The following TRPM3 variants were observed in gnomAD, a reference collection of about 807,000 sequenced individuals.
The protein encoded by TRPM3 is transient receptor potential cation channel subfamily M member 3, also known as long transient receptor potential channel 3.
In TRPM3, 77 loss-of-function variants were observed where a neutral mutation model predicts 181.2. The observed-to-expected ratio is 0.42, with a 90% CI of 0.35 to 0.51. The LOEUF (loss-of-function observed/expected upper bound fraction) is 0.51. TRPM3 is among the 20% of genes least tolerant of loss of function. TRPM3 has a pLI of 0.01. For synonymous variants in TRPM3, 745 were observed against 796.4 expected (o/e 0.94, Z 1.09); for missense variants, 1,759 against 2,196.7 (o/e 0.80, Z 3.98).
chr9:71,441,449 A>G (rs1377680719), intron 1 of TRPM3, among the ~76,000 whole-genome samples: 1 of 152,214 alleles, frequency 6.6e-6, no homozygotes, highest in Non-Finnish European at 1.5e-5. Context: ...AGAACAAACT[A>G]CTAAAGGTTT....
At chr9:71,143,998 T>C (rs1315573087) in intron 1 of TRPM3, among the ~76,000 whole-genome samples, 1 of 152,158 alleles carries the variant, frequency 6.6e-6, no homozygotes, top group African/African-American at 2.4e-5. Flanking sequence ...CCATTCACTA[T>C]AAATTTAGTT....
chr9:71,014,981 T>C (rs533306641), intron 1 of TRPM3, among the ~76,000 whole-genome samples: 16 of 152,266 alleles, frequency 1.1e-4, no homozygotes, highest in Non-Finnish European at 1.3e-4. Flanking sequence ...GAAAGTTTCC[T>C]TTTTTTCAGT....
At chr9:71,055,943 C>G (rs2060606553) in intron 1 of TRPM3, among the ~76,000 whole-genome samples, 1 of 151,922 alleles carries the variant, frequency 6.6e-6, no homozygotes, top group African/African-American at 2.4e-5. Flanking sequence ...AACCTAATAG[C>G]TTTACCTACC....
intron 6 of TRPM3, among the ~76,000 whole-genome samples, chr9:70,794,835 G>A (rs918236115): frequency 6.6e-6 from 1 of 152,110 alleles, no homozygotes; most frequent in Non-Finnish European, 1.5e-5. Flanking sequence ...CATCCTAGAA[G>A]GGCAGAAATG....
chr9:70,633,503 A>G (rs1158356988), intron 12 of TRPM3, among the ~76,000 whole-genome samples: 1 of 152,178 alleles, frequency 6.6e-6, no homozygotes, highest in African/African-American at 2.4e-5. Flanking sequence ...CTTGTTTTGA[A>G]AAAACTACAG....
intron 1 of TRPM3, among the ~76,000 whole-genome samples, chr9:71,108,486 C>G (rs938650253): frequency 6.6e-6 from 1 of 152,054 alleles, no homozygotes; most frequent in Non-Finnish European, 1.5e-5. Flanking sequence ...CTGACCAGAG[C>G]TAAATAAACA....
At chr9:70,786,909 C>G (rs931068831) in intron 6 of TRPM3, among the ~76,000 whole-genome samples, 1 of 152,126 alleles carries the variant, frequency 6.6e-6, no homozygotes, top group Non-Finnish European at 1.5e-5. Context: ...TACTCCAACT[C>G]ACAGACCAAG....
chr9:70,940,070 T>A (rs1438868503), intron 1 of TRPM3, among the ~76,000 whole-genome samples: 1 of 152,202 alleles, frequency 6.6e-6, no homozygotes, highest in African/African-American at 2.4e-5. Flanking sequence ...TTCCTGCAGG[T>A]GCTGGAGCCC....
chr9:70,757,403 G>C (rs529672128), intron 8 of TRPM3, among the ~76,000 whole-genome samples: 40 of 152,190 alleles, frequency 2.6e-4, no homozygotes, highest in African/African-American at 8.9e-4. Flanking sequence ...TCTACCAGAG[G>C]TACAAAGAGG....
intron 1 of TRPM3, among the ~76,000 whole-genome samples, chr9:71,111,276 T>C (rs1025929539): frequency 2.0e-5 from 3 of 152,168 alleles, no homozygotes; most frequent in Non-Finnish European, 4.4e-5. Context: ...GTGTCTAAAG[T>C]TAAAGCATTC....
intron 22 of TRPM3, among the ~76,000 whole-genome samples, chr9:70,573,783 C>T (rs1487497950): frequency 6.6e-6 from 1 of 152,110 alleles, no homozygotes; most frequent in Non-Finnish European, 1.5e-5. Flanking sequence ...GGTCTAATCA[C>T]TTCATCTCAC....
At chr9:71,193,966 TTAAAA>T (rs749990036) in intron 1 of TRPM3, among the ~76,000 whole-genome samples, 92 of 152,008 alleles carry the variant, frequency 6.1e-4, no homozygotes, top group Non-Finnish European at 9.9e-4. Context: ...TTAGGTAAAG[TTAAAA>T]TAAATATGCA....
intron 14 of TRPM3, among the ~76,000 whole-genome samples, chr9:70,623,239 G>A (rs1037415841): frequency 2.6e-4 from 39 of 151,988 alleles, no homozygotes; most frequent in African/African-American, 8.9e-4. Flanking sequence ...AGTCGCACAT[G>A]CCTGTAATGC....
intron 1 of TRPM3, among the ~76,000 whole-genome samples, chr9:71,182,246 T>C (rs1434782641): frequency 1.3e-5 from 2 of 152,146 alleles, no homozygotes; most frequent in African/African-American, 4.8e-5. Flanking sequence ...AAAAGAATTA[T>C]TGGGGTATAT....
rs374265841 is a variant in TRPM3, at chr9:71,067,542, T to C, written c.177+53636A>G. ...TCCTGGCGAATAAATCATCTGTTTA[T>C]ACTTTATTTTCTTCACATAAAAAAA... On this transcript the variant is annotated intron_variant, in intron 1 of 25. Transcript: ENST00000677713. Among the ~76,000 whole-genome samples, 43 of 152,326 alleles carry C rather than the reference T, an allele frequency of 2.8e-4. 1 individual carries two copies. The South Asian group carries it at 8.3e-3, about 29-fold the overall frequency.
intron 17 of TRPM3, among the ~76,000 whole-genome samples, chr9:70,618,362 TAAGAA>T (rs1191797646): frequency 6.6e-6 from 1 of 152,236 alleles, no homozygotes; most frequent in Non-Finnish European, 1.5e-5. Flanking sequence ...TTTCTTCATT[TAAGAA>T]TAGATTAGGA....
intron 1 of TRPM3, among the ~76,000 whole-genome samples, chr9:71,300,011 G>A (rs1209466856): frequency 5.9e-5 from 9 of 152,082 alleles, no homozygotes; most frequent in African/African-American, 1.9e-4. Flanking sequence ...TCTGCTGCCA[G>A]ATAGCATAAC....
intron 1 of TRPM3, among the ~76,000 whole-genome samples, chr9:70,967,392 GT>G (rs34568239): frequency 0.1 from 15,762 of 151,214 alleles, 933 homozygotes; most frequent in Non-Finnish European, 0.14. Context: ...CTCTAAATAT[GT>G]TTTTTTTTAA....
At chr9:71,052,366 G>A (rs2060153359) in intron 1 of TRPM3, among the ~76,000 whole-genome samples, 1 of 152,136 alleles carries the variant, frequency 6.6e-6, no homozygotes, top group Admixed American at 6.5e-5. Flanking sequence ...TGGGATGGCA[G>A]TTGGGTTTTG....
Sources: allele counts gnomAD v4.1 joint callset (sites outside exome capture counted in the v4.1 genomes callset), GRCh38; gene constraint gnomAD v4.1.1; transcripts MANE v1.5; gene names NCBI Gene and HGNC (gene_info 2026-07-23, HGNC 2026-07-21).